IP6K1: variants seen among roughly 807,000 people sequenced by gnomAD.
IP6K1 encodes inositol hexakisphosphate kinase 1, also known as ATP:1D-myo-inositol-hexakisphosphate phosphotransferase.
IP6K1 carries 13 observed loss-of-function variants against 38.3 expected under a neutral mutation model. The ratio of observed to expected loss-of-function variants is 0.34; its 90% CI spans 0.22 to 0.54. The LOEUF (loss-of-function observed/expected upper bound fraction) is 0.54, where lower values mean the gene tolerates loss of function less well. IP6K1 is among the 20% of genes least tolerant of loss of function. The pLI, the probability that IP6K1 is intolerant of heterozygous loss-of-function variation, is 0.92. For missense variants in IP6K1, 397 were observed against 599.8 expected (o/e 0.66, Z 3.53); for synonymous variants, 212 against 229.9 (o/e 0.92, Z 0.70).
chr3:49,754,172 G>A (rs2080802232), intron 1 of IP6K1, among the ~76,000 whole-genome samples: 1 of 151,264 alleles, frequency 6.6e-6, no homozygotes, highest in African/African-American at 2.4e-5. Flanking sequence ...TTTGAGACCA[G>A]CATAGGCAAC....
intron 2 of IP6K1, among the ~76,000 whole-genome samples, chr3:49,740,414 T>C (rs186678984): frequency 5.2e-4 from 79 of 152,192 alleles, no homozygotes; most frequent in African/African-American, 1.8e-3. Context: ...ATTAAGTACA[T>C]TGACAATACT....
At chr3:49,780,178 C>A (rs2081052374) in intron 1 of IP6K1, among the ~76,000 whole-genome samples, 1 of 152,050 alleles carries the variant, frequency 6.6e-6, no homozygotes, top group African/African-American at 2.4e-5. Context: ...AGGCACTCAA[C>A]AAAACAAAGT....
intron 1 of IP6K1, among the ~76,000 whole-genome samples, chr3:49,762,098 T>A (rs1390303382): frequency 6.6e-6 from 1 of 152,150 alleles, no homozygotes; most frequent in African/African-American, 2.4e-5. Context: ...ACTACAGGTA[T>A]GCACCACCAT....
intron 1 of IP6K1, among the ~76,000 whole-genome samples, chr3:49,765,118 G>A (rs539733077): frequency 1.4e-4 from 22 of 152,114 alleles, no homozygotes; most frequent in Non-Finnish European, 2.8e-4. Flanking sequence ...AAGTCCTAAA[G>A]GAAAATACTG....
intron 1 of IP6K1, among the ~76,000 whole-genome samples, chr3:49,779,340 A>G (rs1298540647): frequency 6.6e-6 from 1 of 152,160 alleles, no homozygotes; most frequent in African/African-American, 2.4e-5. Context: ...GTTCCCTTGT[A>G]TGTATACACC....
chr3:49,762,055 G>A (rs1283018949), intron 1 of IP6K1, among the ~76,000 whole-genome samples: 1 of 152,070 alleles, frequency 6.6e-6, no homozygotes. Flanking sequence ...GGGCTCAAAC[G>A]ATCCTCCCAG....
At chr3:49,783,145 T>C (rs1394932050) in intron 1 of IP6K1, among the ~76,000 whole-genome samples, 1 of 149,740 alleles carries the variant, frequency 6.7e-6, no homozygotes, top group Non-Finnish European at 1.5e-5. Context: ...CCAGGCATGG[T>C]GGCTCATGCC....
chr3:49,745,152 T>C lies in IP6K1; in HGVS notation c.223+2666A>G, dbSNP rs1228645055. Among the ~76,000 whole-genome samples the C allele has an allele frequency of 3.3e-5, 5 of 151,578 alleles. 1 individual carries two copies. The highest frequency in any genetic ancestry group is 1.3e-4 in the Admixed American group (2 of 15,208). ...CATACTAATGTGAAAAACAAACACA[T>C]AGACAAAAATACAGATTGTGATAAG... On this transcript the variant is annotated intron_variant, in intron 2 of 5. Coordinates refer to ENST00000321599, the MANE Select transcript of IP6K1 (RefSeq NM_153273.4).
intron 1 of IP6K1, among the ~76,000 whole-genome samples, chr3:49,761,537 C>A (rs1420326593): frequency 6.6e-6 from 1 of 151,468 alleles, no homozygotes; most frequent in East Asian, 1.9e-4. Context: ...TGGCGTGAAC[C>A]CGGGAGGCGG....
intron 1 of IP6K1, among the ~76,000 whole-genome samples, chr3:49,753,282 AT>A (rs1288641441): frequency 1.3e-5 from 2 of 152,032 alleles, no homozygotes; most frequent in Non-Finnish European, 2.9e-5. Flanking sequence ...CTGCCTAAAC[AT>A]TCTTCCCCCA....
At chr3:49,762,551 A>AAATAATAATAAT (rs531165498) in intron 1 of IP6K1, among the ~76,000 whole-genome samples, 4 of 150,958 alleles carry the variant, frequency 2.6e-5, no homozygotes, top group African/African-American at 9.7e-5. Flanking sequence ...CTCTGTCTCA[A>AAATAATAATAAT]AATAATAATA....
chr3:49,738,103 C>T, intron 3 of IP6K1, 109 bp downstream of exon 3: 1 of 858,288 alleles, frequency 1.2e-6, no homozygotes, highest in Non-Finnish European at 1.9e-6. Context: ...CCAAGAACAC[C>T]AGTCATCTTA....
chr3:49,760,857 A>G (rs1293477908), intron 1 of IP6K1, among the ~76,000 whole-genome samples: 2 of 152,162 alleles, frequency 1.3e-5, no homozygotes, highest in Non-Finnish European at 2.9e-5. Flanking sequence ...CAAATTATGT[A>G]CCCTTCAATG....
intron 4 of IP6K1, 109 bp from the exon 5 acceptor site, chr3:49,728,387 C>G (rs545258760): frequency 7.7e-4 from 772 of 1,002,962 alleles, no homozygotes; most frequent in Non-Finnish European, 1.1e-3. Flanking sequence ...GCAGTATGTA[C>G]TTGTCTCAAA....
At chr3:49,760,036 G>T (rs1405372426) in intron 1 of IP6K1, among the ~76,000 whole-genome samples, 2 of 152,100 alleles carry the variant, frequency 1.3e-5, no homozygotes, top group East Asian at 3.9e-4. Flanking sequence ...CTGAGTGGCT[G>T]GGACTACAGG....
At chr3:49,761,991 G>C (rs2080871981) in intron 1 of IP6K1, among the ~76,000 whole-genome samples, 1 of 152,044 alleles carries the variant, frequency 6.6e-6, no homozygotes, top group African/African-American at 2.4e-5. Flanking sequence ...TCTCACTGTT[G>C]CCCATGCTGA....
intron 1 of IP6K1, among the ~76,000 whole-genome samples, chr3:49,773,226 A>G (rs2108259735): frequency 6.6e-6 from 1 of 152,286 alleles, no homozygotes; most frequent in Middle Eastern, 3.4e-3. Flanking sequence ...TGCCTGGTAC[A>G]CTCTGCTTCA....
intron 1 of IP6K1, among the ~76,000 whole-genome samples, chr3:49,776,823 T>A (rs1175729168): frequency 6.6e-6 from 1 of 152,206 alleles, no homozygotes; most frequent in Non-Finnish European, 1.5e-5. Flanking sequence ...ATGTGAAACT[T>A]CTAAGAAACG....
At chr3:49,773,189 T>A (rs2080974238) in intron 1 of IP6K1, among the ~76,000 whole-genome samples, 1 of 152,214 alleles carries the variant, frequency 6.6e-6, no homozygotes, top group African/African-American at 2.4e-5. Context: ...ACAGTCAAGT[T>A]AATATGCTTA....
Sources: gnomAD v4.1 joint callset for allele counts (sites outside exome capture counted in the v4.1 genomes callset) on GRCh38, gnomAD v4.1.1 for gene constraint, MANE v1.5 for transcripts, NCBI Gene and HGNC (gene_info 2026-07-23, HGNC 2026-07-21) for gene names.